Variants in TBXAS1 observed in about 807,000 individuals in gnomAD.
TBXAS1 encodes the protein thromboxane-A synthase.
Under a neutral mutation model 60.7 loss-of-function variants are expected in TBXAS1, and 48 were observed. The observed-to-expected ratio is 0.79, with a 90% confidence interval of 0.63 to 1.01. The LOEUF (loss-of-function observed/expected upper bound fraction) is 1.01, where lower values mean the gene tolerates loss of function less well. Ranked by LOEUF, TBXAS1 falls within the 50% of genes least tolerant of loss-of-function variation. The pLI, the probability that TBXAS1 is intolerant of heterozygous loss-of-function variation, is 0.00. For synonymous variants in TBXAS1, 287 were observed against 269.7 expected, an observed-to-expected ratio of 1.06 and a Z score of -0.63; for missense variants, 685 against 686.3, an observed-to-expected ratio of 1.00 and a Z score of 0.02.
chr7:139,900,629 T>C (rs1804491679), intron 3 of TBXAS1, among the ~76,000 whole-genome samples: 1 of 152,298 alleles, frequency 6.6e-6, no homozygotes, highest in African/African-American at 2.4e-5. Context: ...TAATGTAAGC[T>C]AGGAGGATGG....
intron 4 of TBXAS1, among the ~76,000 whole-genome samples, chr7:139,805,712 T>TCTCTCTCTCTCTCTCTCTC (rs1569492516): frequency 2.3e-5 from 1 of 44,318 alleles, no homozygotes; most frequent in African/African-American, 8.1e-5. Flanking sequence ...CTTTCTTTCT[T>TCTCTCTCTCTCTCTCTCTC]TCTCTCTCTC....
At chr7:139,818,073 C>G (rs1798197401) in intron 4 of TBXAS1, among the ~76,000 whole-genome samples, 1 of 152,232 alleles carries the variant, frequency 6.6e-6, no homozygotes, top group Non-Finnish European at 1.5e-5. Flanking sequence ...TATAACTCTT[C>G]TTCTCAAAAA....
intron 4 of TBXAS1, chr7:139,789,545 C>G (rs543572983): frequency 1.3e-5 from 2 of 152,174 alleles, no homozygotes; most frequent in South Asian, 4.2e-4. Context: ...TCTCACCCAG[C>G]CTTTAATCTT....
At chr7:139,958,187 TATTAG>T (rs1323329605) in intron 8 of TBXAS1, among the ~76,000 whole-genome samples, 7 of 152,104 alleles carry the variant, frequency 4.6e-5, no homozygotes, top group Admixed American at 2.0e-4. Context: ...ACAGCATGCT[TATTAG>T]AGAGTTCGGC....
chr7:139,939,792 A>C (rs1808132952), intron 5 of TBXAS1, among the ~76,000 whole-genome samples: 1 of 152,184 alleles, frequency 6.6e-6, no homozygotes, highest in Non-Finnish European at 1.5e-5. Flanking sequence ...CAGGAAGAAC[A>C]GCCTGAAATG....
chr7:139,927,817 G>T (rs1038429710), intron 4 of TBXAS1, among the ~76,000 whole-genome samples: 5 of 151,962 alleles, frequency 3.3e-5, no homozygotes, highest in Non-Finnish European at 7.4e-5. Flanking sequence ...GTAGTTTGTT[G>T]CCCATGTGTA....
intron 6 of TBXAS1, among the ~76,000 whole-genome samples, chr7:139,953,724 G>T (rs1215332918): frequency 6.6e-6 from 1 of 152,222 alleles, no homozygotes; most frequent in African/African-American, 2.4e-5. Flanking sequence ...GGGCAGGACA[G>T]GCCTGCGCCT....
In TBXAS1 at chr7:139,962,073, C is replaced by A; in HGVS notation, c.974C>A (p.Pro325His). ...RQHQPSPMAR[P>H]LTVDEIVGQA... is the part of the protein sequence containing the mutation. ...CACCAGCCCAGCCCTATGGCCAGGC[C>A]TTTGACTGTGGATGAGATTGTGGGC... The change falls in exon 9 of 13, where the codon CCT (proline) becomes CAT (histidine). Residue 325 changes from proline (P) to histidine (H), a missense_variant. Coordinates refer to ENST00000448866, the MANE Select transcript of TBXAS1 (RefSeq NM_001061.7). The A allele has an allele frequency of 1.9e-6, 3 of 1,614,238 alleles. No individual in the cohort carries two copies. Among genetic ancestry groups the A allele is most frequent in the Non-Finnish European group, 2.5e-6 (3 of 1,180,046 alleles).
At chr7:139,928,875 T>C (rs1237571983) in intron 4 of TBXAS1, among the ~76,000 whole-genome samples, 4 of 152,260 alleles carry the variant, frequency 2.6e-5, no homozygotes, top group African/African-American at 9.6e-5. Flanking sequence ...TAAGCTGTTA[T>C]CTGCACAAAG....
chr7:139,905,057 TTCTCTCTCTCTCTCTC>T (rs796683953), intron 3 of TBXAS1, among the ~76,000 whole-genome samples: 1 of 107,492 alleles, frequency 9.3e-6, no homozygotes, highest in Non-Finnish European at 1.8e-5. Context: ...CTTTCTTTCT[TTCTCTCTCTCTCTCTC>T]TCTTTCTCTT....
chr7:140,000,078 GATAA>G (rs1813563461), intron 9 of TBXAS1, among the ~76,000 whole-genome samples: 1 of 152,254 alleles, frequency 6.6e-6, no homozygotes, highest in South Asian at 2.1e-4. Flanking sequence ...TACACAAAAT[GATAA>G]ATATAGAAAA....
chr7:139,849,702 G>A lies in TBXAS1; in HGVS notation c.89+20223G>A, dbSNP rs1800078856. ...GATCTGGGGGATGGGATGGGGCGGGGCCCTAAGATTTCAACTCCACCCTGG... is the reference window on the plus strand; with the variant it reads ...GATCTGGGGGATGGGATGGGGCGGGACCCTAAGATTTCAACTCCACCCTGG... On this transcript the variant is annotated intron_variant, in intron 1 of 12. Coordinates refer to ENST00000448866, the MANE Select transcript of TBXAS1 (RefSeq NM_001061.7). Among the ~76,000 whole-genome samples the A allele has an allele frequency of 2.6e-5, 4 of 152,196 alleles. No individual in the cohort carries two copies. The South Asian group carries it at 8.3e-4, about 31-fold the overall frequency.
At chr7:139,878,227 G>C (rs991450872) in intron 3 of TBXAS1, among the ~76,000 whole-genome samples, 1 of 148,832 alleles carries the variant, frequency 6.7e-6, no homozygotes, top group African/African-American at 2.5e-5. Flanking sequence ...GAGAGAGATA[G>C]AAGAGGGGGA....
chr7:139,835,908 C>G (rs1452457226), intron 1 of TBXAS1, among the ~76,000 whole-genome samples: 1 of 152,060 alleles, frequency 6.6e-6, no homozygotes, highest in East Asian at 1.9e-4. Flanking sequence ...GCTCCTAGAA[C>G]TGATAAAAGA....
chr7:139,956,954 A>G (rs1423092014), intron 7 of TBXAS1, among the ~76,000 whole-genome samples: 3 of 152,264 alleles, frequency 2.0e-5, no homozygotes, highest in Non-Finnish European at 4.4e-5. Flanking sequence ...CAGCTCCCAT[A>G]GAGCCCGGTA....
At position 140,003,123 on chromosome 7, in the gene TBXAS1, TCA is replaced by T. The variant is rs1491298068; in HGVS notation, c.1135-3967_1135-3966del. 1.7e-3 allele frequency among the ~76,000 whole-genome samples: 203 copies of T among 119,420 alleles called. 2 individuals carry two copies. Among genetic ancestry groups the T allele is most frequent in the Middle Eastern group, 5.3e-3 (1 of 188 alleles). 78.3% of individuals were successfully genotyped at this position (119,420 alleles called of 152,430 possible). On this transcript the variant is annotated intron_variant, in intron 9 of 12. Transcript: ENST00000448866. The stretch of plus-strand genomic sequence containing the variant: ...TGGGCAACAAGAGCGAAACTCCGTC[TCA>T]AAAAAAAAAAAAAAAAAGCTGGCTG...
chr7:139,952,633 T>C, intron 5 of TBXAS1: 1 of 1,537,298 alleles, frequency 6.5e-7, no homozygotes, highest in Non-Finnish European at 8.7e-7. Context: ...CCCACCCGTT[T>C]GTCGAAGCCG....
At chr7:139,848,162 A>C (rs1799950534) in intron 1 of TBXAS1, among the ~76,000 whole-genome samples, 1 of 151,318 alleles carries the variant, frequency 6.6e-6, no homozygotes, top group African/African-American at 2.4e-5. Flanking sequence ...TTATTTATTT[A>C]TTTGTAAAGA....
chr7:139,918,618 A>G (rs1806188345), intron 4 of TBXAS1, among the ~76,000 whole-genome samples: 1 of 152,208 alleles, frequency 6.6e-6, no homozygotes, highest in Admixed American at 6.5e-5. Flanking sequence ...GGCTGATAGA[A>G]GCACAGTTCC....
Sources: allele counts gnomAD v4.1 joint callset (sites outside exome capture counted in the v4.1 genomes callset), GRCh38; gene constraint gnomAD v4.1.1; transcripts MANE v1.5; gene names NCBI Gene and HGNC (gene_info 2026-07-23, HGNC 2026-07-21).